The following METTL15 variants were observed in gnomAD, a reference collection of about 807,000 sequenced individuals.
METTL15 encodes methyltransferase 15, mitochondrial 12S rRNA N4-cytidine, also known as 12S rRNA N(4)-cytidine methyltransferase METTL15.
In METTL15, 34 loss-of-function variants were observed where a neutral mutation model predicts 38.3. The ratio of observed to expected loss-of-function variants is 0.89; its 90% confidence interval spans 0.68 to 1.18. METTL15 has a LOEUF of 1.18. Among genes scored for constraint, METTL15 ranks in the 50% most tolerant of loss-of-function variants. The pLI, the probability that METTL15 is intolerant of heterozygous loss-of-function variation, is 0.00. For synonymous variants in METTL15, 162 were observed against 170.9 expected (o/e 0.95, Z 0.41); for missense variants, 438 against 498.4 (o/e 0.88, Z 1.15).
At chr11:28,154,641 G>A (rs929121046) in intron 3 of METTL15, among the ~76,000 whole-genome samples, 8 of 152,084 alleles carry the variant, frequency 5.3e-5, no homozygotes, top group Non-Finnish European at 8.8e-5. Flanking sequence ...GGGCAAGTCT[G>A]TTGGCTTCTT....
At chr11:28,390,613 G>A (rs982852852) in intron 5 of METTL15, among the ~76,000 whole-genome samples, 5 of 152,194 alleles carry the variant, frequency 3.3e-5, no homozygotes, top group African/African-American at 1.2e-4. Context: ...CTAGTACCAG[G>A]CTGTTTTGGT....
chr11:28,464,549 T>G lies in METTL15; in HGVS notation c.*424+40185T>G, dbSNP rs756213516. Among the ~76,000 whole-genome samples, 7 of 152,348 alleles carry G rather than the reference T, an allele frequency of 4.6e-5. No homozygotes were observed. In the South Asian group the frequency reaches 1.2e-3, roughly 27 times the overall value. ...TCTAGAAAATTCACTTGTGGTCATC[T>G]CTGTAGAAACCCTAGGGCTCTCCAG... On this transcript the variant is annotated intron_variant and NMD_transcript_variant, in intron 6 of 7. Transcript: ENST00000532947.
intron 3 of METTL15, among the ~76,000 whole-genome samples, chr11:28,151,964 T>C (rs1850104778): frequency 6.6e-6 from 1 of 152,066 alleles, no homozygotes; most frequent in Non-Finnish European, 1.5e-5. Flanking sequence ...AATAATCAAA[T>C]ATAGTTATTT....
intron 5 of METTL15, among the ~76,000 whole-genome samples, chr11:28,395,236 G>T (rs920358801): frequency 1.3e-5 from 2 of 152,186 alleles, no homozygotes; most frequent in Middle Eastern, 3.4e-3. Flanking sequence ...CAGCATAAGA[G>T]ACTAGATTCT....
At position 28,297,444 on chromosome 11, in the gene METTL15, A is replaced by G. The variant is rs75604784; in HGVS notation, c.778+513A>G. ...CTCATATATCTGTTCTAAACAACCA[A>G]CTAACAAAGGGTATATGATGTATAG... On this transcript the variant is annotated intron_variant, in intron 6 of 6. Coordinates refer to ENST00000407364, the MANE Select transcript of METTL15 (RefSeq NM_001113528.2). Among the ~76,000 whole-genome samples, 502 of 152,244 alleles carry G rather than the reference A, an allele frequency of 3.3e-3. 4 individuals carry two copies. Among genetic ancestry groups the G allele is most frequent in the African/African-American group, 0.012 (490 of 41,552 alleles).
intron 3 of METTL15, among the ~76,000 whole-genome samples, chr11:28,170,218 T>G (rs560082971): frequency 5.8e-4 from 89 of 152,276 alleles, no homozygotes; most frequent in African/African-American, 2.0e-3. Context: ...GGATGGGGAC[T>G]TGGACTTAAT....
chr11:28,452,215 C>G (rs1337405215), intron 6 of METTL15, among the ~76,000 whole-genome samples: 2 of 152,162 alleles, frequency 1.3e-5, no homozygotes, highest in East Asian at 3.8e-4. Flanking sequence ...TACTTTCACA[C>G]CTTGGTTTCA....
chr11:28,276,002 G>A (rs556893920), intron 4 of METTL15, among the ~76,000 whole-genome samples: 10 of 152,034 alleles, frequency 6.6e-5, no homozygotes, highest in Admixed American at 2.0e-4. Context: ...ACTGAATAAA[G>A]AGAAGTTGAA....
chr11:28,508,057 G>A (rs1463789429), intron 6 of METTL15, among the ~76,000 whole-genome samples: 2 of 152,014 alleles, frequency 1.3e-5, no homozygotes, highest in South Asian at 2.1e-4. Flanking sequence ...AATTTCTAAC[G>A]TCATTTTTTC....
At chr11:28,214,994 T>C (rs1346530233) in intron 4 of METTL15, among the ~76,000 whole-genome samples, 2 of 152,140 alleles carry the variant, frequency 1.3e-5, no homozygotes, top group East Asian at 1.9e-4. Context: ...TTTGACATAG[T>C]TTTACATGGC....
At chr11:28,478,423 C>T (rs1243301750) in intron 6 of METTL15, among the ~76,000 whole-genome samples, 2 of 152,172 alleles carry the variant, frequency 1.3e-5, no homozygotes, top group African/African-American at 4.8e-5. Flanking sequence ...CAACAGAAGA[C>T]AAATATTAGG....
In METTL15 at chr11:28,330,875, C is replaced by T; in HGVS notation, c.*34C>T. ...CATCTTATTCTTCAAATTTTTTTCT[C>T]ACAATTTCTCTAATCTTTACTCATG... On this transcript the variant is annotated 3_prime_UTR_variant, in exon 7 of 7. Transcript: ENST00000407364. 1 of 1,465,362 alleles carries T rather than the reference C, an allele frequency of 6.8e-7. No homozygotes were observed. The highest frequency in any genetic ancestry group is 9.1e-7 in the Non-Finnish European group (1 of 1,094,874). The allele number at this position is 1,465,362 out of a possible 1,614,324, so 90.8% of individuals were successfully genotyped here.
intron 3 of METTL15, among the ~76,000 whole-genome samples, chr11:28,349,963 G>A (rs543306479): frequency 6.6e-6 from 1 of 152,202 alleles, no homozygotes; most frequent in African/African-American, 2.4e-5. Flanking sequence ...CTTGTTTCAT[G>A]GATGTCTTGC....
chr11:28,356,622 AC>A (rs1850092312), intron 4 of METTL15, among the ~76,000 whole-genome samples: 1 of 152,120 alleles, frequency 6.6e-6, no homozygotes, highest in Non-Finnish European at 1.5e-5. Flanking sequence ...GCATTCTCTG[AC>A]CCCAAAGGTG....
In METTL15 at chr11:28,274,916, C is replaced by A. The variant is rs189977505; in HGVS notation, c.408-15290C>A. On this transcript the variant is annotated intron_variant, in intron 4 of 6. Transcript: ENST00000407364. ...AAACCTGCACGTTGTGCACATGTAC[C>A]CTAGAACTTAAAGTATAATACAAAA... 3.2e-4 allele frequency among the ~76,000 whole-genome samples: 48 copies of A among 151,224 alleles called. 1 individual carries two copies. The highest frequency in any genetic ancestry group is 1.1e-3 in the African/African-American group (46 of 41,354).
chr11:28,229,022 G>A (rs1392220300), intron 4 of METTL15, among the ~76,000 whole-genome samples: 1 of 151,786 alleles, frequency 6.6e-6, no homozygotes, highest in Non-Finnish European at 1.5e-5. Flanking sequence ...TTAGGTCAAT[G>A]ACTTAATCTT....
intron 6 of METTL15, among the ~76,000 whole-genome samples, chr11:28,486,211 C>T (rs1851438161): frequency 6.6e-6 from 1 of 152,044 alleles, no homozygotes; most frequent in Non-Finnish European, 1.5e-5. Flanking sequence ...AAGCCAGGTT[C>T]AAACCCAGAA....
chr11:28,299,455 A>G (rs1856842282), intron 6 of METTL15, among the ~76,000 whole-genome samples: 1 of 152,058 alleles, frequency 6.6e-6, no homozygotes, highest in Non-Finnish European at 1.5e-5. Flanking sequence ...TTGCATTCAT[A>G]TTTCATCAGT....
At chr11:28,362,160 G>A (rs1346567415) in intron 5 of METTL15, 1 of 152,068 alleles carries the variant, frequency 6.6e-6, no homozygotes, top group African/African-American at 2.4e-5. Flanking sequence ...TTACAGACAA[G>A]TAGAAATAGC....
Sources: allele counts gnomAD v4.1 joint callset (sites outside exome capture counted in the v4.1 genomes callset), GRCh38; gene constraint gnomAD v4.1.1; transcripts MANE v1.5; gene names NCBI Gene and HGNC (gene_info 2026-07-23, HGNC 2026-07-21).